The following TPRG1 variants were observed in gnomAD, a reference collection of about 807,000 sequenced individuals.
The protein encoded by TPRG1 is tumor protein p63-regulated gene 1 protein.
TPRG1 carries 29 observed loss-of-function variants against 29.3 expected under a neutral mutation model. The ratio of observed to expected loss-of-function variants is 0.99; its 90% CI spans 0.74 to 1.35. The LOEUF (loss-of-function observed/expected upper bound fraction) is 1.35. Among genes scored for constraint, TPRG1 ranks in the 40% most tolerant of loss-of-function variants. The pLI is 0.00. For missense variants in TPRG1, 327 were observed against 335.0 expected, an observed-to-expected ratio of 0.98 and a Z score of 0.19; for synonymous variants, 130 against 116.8, an observed-to-expected ratio of 1.11 and a Z score of -0.73.
chr3:189,024,748 G>A (rs954001372), intron 4 of TPRG1, among the ~76,000 whole-genome samples: 8 of 152,096 alleles, frequency 5.3e-5, no homozygotes, highest in Non-Finnish European at 7.4e-5. Flanking sequence ...CTCTGGATGC[G>A]AAGTCCTGCC....
chr3:189,147,479 G>A (rs547041811), intron 3 of TPRG1: 34 of 152,320 alleles, frequency 2.2e-4, no homozygotes, highest in African/African-American at 8.2e-4. Context: ...TAGCCATGTC[G>A]GAGGCAGAAA....
chr3:189,314,097 GACA>G (rs1260582840), intron 5 of TPRG1, among the ~76,000 whole-genome samples: 2 of 152,184 alleles, frequency 1.3e-5, no homozygotes, highest in Non-Finnish European at 2.9e-5. Context: ...AGTCAAAGAT[GACA>G]AGGTTTCAGG....
At chr3:189,292,272 G>A (rs1393829062) in intron 4 of TPRG1, among the ~76,000 whole-genome samples, 1 of 136,514 alleles carries the variant, frequency 7.3e-6, no homozygotes, top group Non-Finnish European at 1.6e-5. Context: ...GGGACTCAAT[G>A]TAATTTTCTG....
At position 189,218,538 on chromosome 3, in the gene TPRG1, C is replaced by G. The variant is rs373874413; in HGVS notation, c.302+3155C>G. 1.1e-4 allele frequency among the ~76,000 whole-genome samples: 16 copies of G among 152,322 alleles called. No individual in the cohort carries two copies. In the East Asian group the frequency reaches 2.5e-3, roughly 24 times the overall value. On this transcript the variant is annotated intron_variant, in intron 3 of 5. Transcript: ENST00000345063. ...GCAACAGGGCTGCCTGTCTAGCATG[C>G]CTGGCTTTGGAACAAGGATTCCCAT...
chr3:189,150,677 C>T (rs549782640), exon 5 of TPRG1: 51 of 152,242 alleles, frequency 3.3e-4, no homozygotes, highest in African/African-American at 1.2e-3. Flanking sequence ...TTCATCTGGG[C>T]ACTGAAGACA....
intron 2 of TPRG1, 41 bp downstream of exon 2, chr3:189,207,635 C>A (rs1251585986): frequency 7.0e-6 from 11 of 1,582,334 alleles, no homozygotes; most frequent in Non-Finnish European, 9.5e-6. Flanking sequence ...TAAAAATTCA[C>A]CCCAAGACAT....
intron 1 of TPRG1, among the ~76,000 whole-genome samples, chr3:189,196,181 G>T (rs1732501890): frequency 6.6e-6 from 1 of 152,056 alleles, no homozygotes; most frequent in Non-Finnish European, 1.5e-5. Context: ...TCCCATCTGA[G>T]GATCTAATTT....
chr3:189,113,531 AT>A (rs1252995164), intron 1 of TPRG1, among the ~76,000 whole-genome samples: 3 of 151,990 alleles, frequency 2.0e-5, no homozygotes, highest in Non-Finnish European at 4.4e-5. Context: ...GATAGCTCTT[AT>A]TATTTTGAGA....
At chr3:189,250,511 C>CCA (rs1218954407) in intron 4 of TPRG1, among the ~76,000 whole-genome samples, 1 of 86,606 alleles carries the variant, frequency 1.2e-5, no homozygotes, top group Non-Finnish European at 2.2e-5. Flanking sequence ...TCCGCCCCCC[C>CCA]CCCCCCACCC....
chr3:189,057,671 A>C, intron 4 of TPRG1, among the ~76,000 whole-genome samples: 1 of 150,960 alleles, frequency 6.6e-6, no homozygotes, highest in South Asian at 2.1e-4. Flanking sequence ...CCAGAAGTAA[A>C]TGACTCACTA....
rs536036996 is a variant in TPRG1 at position 189,225,648 on chromosome 3, G to A, written c.302+10265G>A. On this transcript the variant is annotated intron_variant, in intron 3 of 5. Coordinates refer to ENST00000345063, the MANE Select transcript of TPRG1 (RefSeq NM_198485.4). ...ATAGCCTGTTAGGAGCAAACATGCC[G>A]CTTGATTTACAAACAATGCATTGTC... Among the ~76,000 whole-genome samples the A allele has an allele frequency of 5.3e-5, 8 of 151,934 alleles. No individual in the cohort carries two copies. The South Asian group carries it at 1.5e-3, about 28-fold the overall frequency.
At chr3:189,059,363 C>A (rs563508865) in intron 4 of TPRG1, among the ~76,000 whole-genome samples, 1 of 151,806 alleles carries the variant, frequency 6.6e-6, no homozygotes, top group Non-Finnish European at 1.5e-5. Flanking sequence ...GAGGCTGAGG[C>A]GGGTGGATCA....
At chr3:189,029,745 G>A (rs573920447) in intron 4 of TPRG1, among the ~76,000 whole-genome samples, 5 of 152,266 alleles carry the variant, frequency 3.3e-5, no homozygotes, top group African/African-American at 1.2e-4. Context: ...CCTTGTGAAT[G>A]GCTTGGTGCC....
intron 1 of TPRG1, among the ~76,000 whole-genome samples, chr3:189,110,929 A>G (rs1720432910): frequency 6.6e-6 from 1 of 151,502 alleles, no homozygotes; most frequent in East Asian, 1.9e-4. Context: ...ATTATATAAT[A>G]GATATATAAA....
intron 1 of TPRG1, among the ~76,000 whole-genome samples, chr3:189,105,047 C>A (rs1027366344): frequency 1.3e-5 from 2 of 152,132 alleles, no homozygotes; most frequent in Non-Finnish European, 2.9e-5. Context: ...CTAAAGATTT[C>A]CAATAAAATT....
chr3:189,266,531 G>C (rs995767052), intron 4 of TPRG1, among the ~76,000 whole-genome samples: 2 of 152,164 alleles, frequency 1.3e-5, no homozygotes, highest in East Asian at 3.8e-4. Context: ...TGGTGTAAGA[G>C]AGCCAAAGCC....
intron 4 of TPRG1, among the ~76,000 whole-genome samples, chr3:189,057,069 A>G (rs1273951207): frequency 6.6e-6 from 1 of 152,166 alleles, no homozygotes; most frequent in African/African-American, 2.4e-5. Flanking sequence ...TTGACATCAC[A>G]TCTATCATGC....
intron 3 of TPRG1, among the ~76,000 whole-genome samples, chr3:189,015,183 AG>A (rs1712862439): frequency 6.6e-6 from 1 of 152,218 alleles, no homozygotes; most frequent in Non-Finnish European, 1.5e-5. Flanking sequence ...GCTAAGCTTT[AG>A]GAAAAGACTG....
intron 3 of TPRG1, among the ~76,000 whole-genome samples, chr3:189,234,589 A>T (rs750729422): frequency 6.6e-6 from 1 of 152,208 alleles, no homozygotes; most frequent in South Asian, 2.1e-4. Flanking sequence ...CTATTGCAAT[A>T]TATAAACCTG....
Sources: allele counts gnomAD v4.1 joint callset (sites outside exome capture counted in the v4.1 genomes callset), GRCh38; gene constraint gnomAD v4.1.1; transcripts MANE v1.5; gene names NCBI Gene and HGNC (gene_info 2026-07-23, HGNC 2026-07-21).